The following MCM8 variants were observed in gnomAD, a reference collection of about 807,000 sequenced individuals.
MCM8 encodes the protein DNA helicase MCM8.
In MCM8, 85 loss-of-function variants were observed where a neutral mutation model predicts 98.9. The observed-to-expected ratio is 0.86, with a 90% CI of 0.72 to 1.03. The LOEUF is 1.03. MCM8 is among the 50% of genes least tolerant of loss of function. The pLI is 0.00. For missense variants in MCM8, 951 were observed against 997.8 expected (o/e 0.95, Z 0.63); for synonymous variants, 352 against 338.6 (o/e 1.04, Z -0.44).
rs1366489096 is a variant in MCM8, at chr20:5,958,700, G to C, written c.763G>C (p.Asp255His). 6.2e-7 allele frequency: 1 copy of C among 1,614,128 alleles called. No individual in the cohort carries two copies. Among genetic ancestry groups the C allele is most frequent in the East Asian group, 2.2e-5 (1 of 44,860 alleles). The change falls in exon 7 of 19, where the codon GAT becomes CAT. Residue 255 changes from aspartate (D) to histidine (H), a missense_variant. Transcript: ENST00000610722. Reference protein sequence around the residue: ...CGEIQSFPLPDGKYSLPTKCP... With the variant: ...CGEIQSFPLPHGKYSLPTKCP... ...AGAAATTCAGAGCTTTCCTCTTCCA[G>C]ATGGAAAATACAGTCTTCCCACAAA...
At chr20:5,990,537 T>C (rs558676615) in intron 17 of MCM8, among the ~76,000 whole-genome samples, 1 of 152,300 alleles carries the variant, frequency 6.6e-6, no homozygotes, top group African/African-American at 2.4e-5. Context: ...AGCAACCAGA[T>C]AGTCTAGGAA....
rs1287035876 is a variant in MCM8 at position 5,996,726 on chromosome 20, T to G, written c.*2335T>G. 3 of 152,224 alleles carry G rather than the reference T, an allele frequency of 2.0e-5. No individual in the cohort carries two copies. Among genetic ancestry groups the G allele is most frequent in the Non-Finnish European group, 4.4e-5 (3 of 68,038 alleles). The allele number at this position is 152,224 out of a possible 1,614,324, so 9.4% of individuals were successfully genotyped here. On this transcript the variant is annotated 3_prime_UTR_variant, in exon 19 of 19. Coordinates refer to ENST00000610722, the MANE Select transcript of MCM8 (RefSeq NM_032485.6). ...TTTTAAAAAGACATAAACCTACATT[T>G]TCAGAAGAAGAAGTTCCATGTTTCC...
Position 5,975,868 on chromosome 20 carries a change from A to G in MCM8, c.1396-2008A>G, listed in dbSNP as rs372987333. ...TGTGTCCAGTGGTATTGAAAGTGTT[A>G]ATACCAAGAAGTTACATTGGCAGTT... On this transcript the variant is annotated intron_variant, in intron 12 of 18. Coordinates refer to ENST00000610722, the MANE Select transcript of MCM8 (RefSeq NM_032485.6). 7.9e-5 allele frequency among the ~76,000 whole-genome samples: 12 copies of G among 151,796 alleles called. No individual in the cohort carries two copies. The South Asian group carries it at 2.5e-3, about 32-fold the overall frequency.
Position 5,987,307 on chromosome 20 carries a change from A to C in MCM8, c.2189A>C (p.Glu730Ala), listed in dbSNP as rs1418626599. 2.5e-6 allele frequency: 4 copies of C among 1,613,342 alleles called. No individual in the cohort carries two copies. The highest frequency in any genetic ancestry group is 1.3e-5 in the African/African-American group (1 of 74,890). ...GCACGAGCAAGGTTGGAATTGAGAGAGGAAGCAACCAAAGAAGACGCTGAG... is the reference window on the plus strand; with the variant it reads ...GCACGAGCAAGGTTGGAATTGAGAGCGGAAGCAACCAAAGAAGACGCTGAG... ...TEARARLELR[E>A]EATKEDAEDI... is the part of the protein sequence containing the mutation. The change falls in exon 17 of 19, where the codon GAG becomes GCG. Residue 730 changes from glutamate (E) to alanine (A), a missense_variant. Coordinates refer to ENST00000610722, the MANE Select transcript of MCM8 (RefSeq NM_032485.6).
At chr20:5,982,782 T>C (rs1159357035) in intron 13 of MCM8, among the ~76,000 whole-genome samples, 188 bp from the exon 14 acceptor site, 4 of 152,230 alleles carry the variant, frequency 2.6e-5, no homozygotes, top group African/African-American at 9.6e-5. Context: ...TACACAAAAC[T>C]TAGTTAAATA....
intron 15 of MCM8, among the ~76,000 whole-genome samples, chr20:5,985,527 T>G (rs920261809): frequency 1.3e-5 from 2 of 151,780 alleles, no homozygotes; most frequent in Admixed American, 1.3e-4. Flanking sequence ...TCTTTTAGAA[T>G]TGTATATTTA....
chr20:5,986,106 T>C lies in MCM8; in HGVS notation c.2138T>C (p.Leu713Pro). The change falls in exon 16 of 19, where the codon CTG becomes CCG. Residue 713 changes from leucine (L) to proline (P), a missense_variant. Physicochemically the swap from Leu to Pro is moderately conservative, Grantham distance 98. Transcript: ENST00000610722. ...AGCTCACCAATCACTACCAGGCAGC[T>C]GGAATCTTTGATTCGTCTGACAGAG... ...LNSSPITTRQ[L>P]ESLIRLTEAR... 1 of 1,614,210 alleles carries C rather than the reference T, an allele frequency of 6.2e-7. No individual in the cohort carries two copies. Among genetic ancestry groups the C allele is most frequent in the Non-Finnish European group, 8.5e-7 (1 of 1,180,028 alleles).
chr20:5,993,700 G>A lies in MCM8; in HGVS notation c.2430+5G>A. ...GCCAAAGAACTAAACATTCAGGTAT[G>A]TTAAACTAGTTAATCTCTTTTGTAA... On this transcript the variant is annotated splice_donor_5th_base_variant and intron_variant, in intron 18 of 18. Transcript: ENST00000610722. 1 of 1,581,780 alleles carries A rather than the reference G, an allele frequency of 6.3e-7. No homozygotes were observed. The highest frequency in any genetic ancestry group is 2.2e-5 in the East Asian group (1 of 44,556).
intron 13 of MCM8, among the ~76,000 whole-genome samples, chr20:5,982,518 A>G (rs924439506): frequency 2.7e-4 from 41 of 152,172 alleles, no homozygotes; most frequent in Admixed American, 2.6e-3. Flanking sequence ...TGATTTCCCT[A>G]TAAGTGCATA....
chr20:5,962,090 G>A (rs555912239), intron 7 of MCM8, among the ~76,000 whole-genome samples: 1 of 152,324 alleles, frequency 6.6e-6, no homozygotes, highest in African/African-American at 2.4e-5. Context: ...GGTGGCTGGG[G>A]GCTGGCCAGG....
chr20:5,985,999 G>C lies in MCM8; in HGVS notation c.2031G>C (p.Val677=), dbSNP rs993745214. The C allele has an allele frequency of 6.2e-7, 1 of 1,614,218 alleles. No homozygotes were observed. The highest frequency in any genetic ancestry group is 1.7e-5 in the Admixed American group (1 of 60,020). ...RKYIGYARQY[V]YPRLSTEAAR... ...ACATTGGCTATGCTCGGCAGTATGTGTACCCAAGGCTATCCACAGAAGCTG... is the reference window on the plus strand; with the variant it reads ...ACATTGGCTATGCTCGGCAGTATGTCTACCCAAGGCTATCCACAGAAGCTG... The change falls in exon 16 of 19, where the codon GTG becomes GTC. Residue 677 remains valine, a synonymous_variant. Transcript: ENST00000610722.
intron 18 of MCM8, 39 bp from the exon 19 acceptor site, chr20:5,994,260 G>A (rs773740523): frequency 2.5e-6 from 3 of 1,183,460 alleles, no homozygotes; most frequent in South Asian, 1.4e-5. Context: ...ATTTTGACAT[G>A]TTACTTAATG....
At chr20:5,961,353 C>A (rs451417) in intron 7 of MCM8, among the ~76,000 whole-genome samples, 37,429 of 152,114 alleles carry the variant, frequency 0.25, 6,931 homozygotes, top group African/African-American at 0.52. Flanking sequence ...TTGGGCTTTA[C>A]TAAATTTAAC....
At chr20:5,986,828 TTTTG>T (rs776510650) in intron 16 of MCM8, among the ~76,000 whole-genome samples, 6 of 152,192 alleles carry the variant, frequency 3.9e-5, no homozygotes, top group African/African-American at 7.2e-5. Context: ...CACAGATTTT[TTTTG>T]TTTGTTTGCC....
chr20:5,954,813 A>G (rs951705232), intron 4 of MCM8, 123 bp downstream of exon 4: 3 of 625,270 alleles, frequency 4.8e-6, no homozygotes, highest in Non-Finnish European at 5.6e-6. Flanking sequence ...CAGTTCTGCC[A>G]CTTACCTGCA....
chr20:5,967,384 C>A (rs2089297129), intron 8 of MCM8, 52 bp from the exon 9 acceptor site: 5 of 1,538,372 alleles, frequency 3.3e-6, no homozygotes, highest in Non-Finnish European at 2.7e-6. Context: ...TAATATCTTG[C>A]AGAAACCATC....
intron 7 of MCM8, among the ~76,000 whole-genome samples, chr20:5,961,265 A>G (rs1259192636): frequency 6.6e-6 from 1 of 152,004 alleles, no homozygotes; most frequent in East Asian, 1.9e-4. Context: ...TTATCCTGAC[A>G]CCATTTATTA....
intron 8 of MCM8, chr20:5,964,444 A>G (rs1204827165): frequency 6.6e-6 from 1 of 152,210 alleles, no homozygotes; most frequent in Non-Finnish European, 1.5e-5. Context: ...GGAAATGGTT[A>G]AGACTCTTGA....
intron 3 of MCM8, among the ~76,000 whole-genome samples, chr20:5,953,966 A>G (rs1318364917): frequency 2.0e-5 from 3 of 152,114 alleles, no homozygotes; most frequent in Admixed American, 6.6e-5. Context: ...AGGATGTATT[A>G]GCCACCAGCA....
Sources: gnomAD v4.1 joint callset for allele counts (sites outside exome capture counted in the v4.1 genomes callset) on GRCh38, gnomAD v4.1.1 for gene constraint, MANE v1.5 for transcripts, NCBI Gene and HGNC (gene_info 2026-07-23, HGNC 2026-07-21) for gene names.